The following LRRC4C variants were observed in gnomAD, a reference collection of about 807,000 sequenced individuals.
LRRC4C encodes leucine-rich repeat-containing protein 4C.
Under a neutral mutation model 33.6 loss-of-function variants are expected in LRRC4C, and 5 were observed. That is an observed-to-expected ratio of 0.15 (90% CI 0.08 to 0.31). The LOEUF (loss-of-function observed/expected upper bound fraction) is 0.31. LRRC4C is among the 10% of genes least tolerant of loss of function. The probability of loss-of-function intolerance (pLI) is 1.00; values close to 1 mark genes in which losing one functional copy is unlikely to be tolerated. For synonymous variants in LRRC4C, 329 were observed against 302.0 expected (o/e 1.09, Z -0.93); for missense variants, 560 against 796.7 (o/e 0.70, Z 3.58).
chr11:41,127,580 C>A (rs1289015006), intron 1 of LRRC4C, among the ~76,000 whole-genome samples: 1 of 151,852 alleles, frequency 6.6e-6, no homozygotes, highest in East Asian at 1.9e-4. Context: ...ATATATTTTT[C>A]TCTATCCCTA....
At chr11:40,955,297 CTGGGACAAAA>C (rs1331978672) in intron 1 of LRRC4C, among the ~76,000 whole-genome samples, 1 of 151,684 alleles carries the variant, frequency 6.6e-6, no homozygotes, top group Non-Finnish European at 1.5e-5. Context: ...TAAGGACAGA[CTGGGACAAAA>C]TGCCTTAAAC....
At chr11:41,119,493 A>G (rs1452036414) in intron 1 of LRRC4C, among the ~76,000 whole-genome samples, 1 of 152,304 alleles carries the variant, frequency 6.6e-6, no homozygotes, top group East Asian at 1.9e-4. Flanking sequence ...TGCCTAAACC[A>G]CTTAGGTGGC....
In LRRC4C at chr11:41,041,938, C is replaced by T. The variant is rs938909159; in HGVS notation, c.-495-108215G>A. 3.9e-5 allele frequency among the ~76,000 whole-genome samples: 6 copies of T among 152,132 alleles called. No individual in the cohort carries two copies. In the East Asian group the frequency reaches 1.2e-3, roughly 29 times the overall value. ...TTTGTGGATCTGATTTGTTGGCCTT[C>T]TGCAGCTGTACTATGTTAAAAGATA... On this transcript the variant is annotated intron_variant, in intron 1 of 6. Transcript: ENST00000528697.
chr11:40,993,374 A>G (rs1166304336), intron 1 of LRRC4C, among the ~76,000 whole-genome samples: 24 of 152,204 alleles, frequency 1.6e-4, no homozygotes, highest in Non-Finnish European at 4.4e-5. Flanking sequence ...TGGCCCACAC[A>G]TAATATAGAA....
At chr11:41,422,839 C>A (rs191437889) in intron 1 of LRRC4C, among the ~76,000 whole-genome samples, 17 of 152,066 alleles carry the variant, frequency 1.1e-4, no homozygotes, top group African/African-American at 3.9e-4. Context: ...AAAGCAGAAA[C>A]TCAAATAAAT....
At chr11:40,799,521 G>C (rs1341378541) in intron 2 of LRRC4C, among the ~76,000 whole-genome samples, 2 of 152,144 alleles carry the variant, frequency 1.3e-5, no homozygotes, top group Non-Finnish European at 2.9e-5. Flanking sequence ...TTGAGTCAGA[G>C]TCTCACTCTG....
intron 5 of LRRC4C, among the ~76,000 whole-genome samples, chr11:40,216,716 G>A (rs1219014152): frequency 6.6e-6 from 1 of 152,104 alleles, no homozygotes; most frequent in African/African-American, 2.4e-5. Context: ...GAAACAAAAA[G>A]CAAAAGTGAA....
chr11:40,662,882 C>T lies in LRRC4C; in HGVS notation c.-406-14604G>A, dbSNP rs377523602. Among the ~76,000 whole-genome samples, 60 of 152,288 alleles carry T rather than the reference C, an allele frequency of 3.9e-4. 1 individual carries two copies. The Middle Eastern group carries it at 0.01, about 26-fold the overall frequency. On this transcript the variant is annotated intron_variant, in intron 2 of 6. Coordinates refer to ENST00000528697, the MANE Select transcript of LRRC4C (RefSeq NM_001258419.2). ...ATAAAGCACTTTATAAAGTAGCTATCACAGGATATGCACTCTATAAATATT... is the reference window on the plus strand; with the variant it reads ...ATAAAGCACTTTATAAAGTAGCTATTACAGGATATGCACTCTATAAATATT...
At chr11:40,285,025 T>C (rs923867390) in intron 4 of LRRC4C, among the ~76,000 whole-genome samples, 1 of 152,172 alleles carries the variant, frequency 6.6e-6, no homozygotes, top group Non-Finnish European at 1.5e-5. Flanking sequence ...CAAGAGGCAC[T>C]ACTGTAATTT....
intron 1 of LRRC4C, among the ~76,000 whole-genome samples, chr11:41,325,566 GT>G (rs71466927): frequency 0.013 from 1,411 of 106,474 alleles, 15 homozygotes; most frequent in South Asian, 0.039. Context: ...TGTCCTTATA[GT>G]TTTTTTTTTT....
intron 1 of LRRC4C, among the ~76,000 whole-genome samples, chr11:41,231,244 C>T (rs1296590713): frequency 1.3e-5 from 2 of 152,070 alleles, no homozygotes; most frequent in Non-Finnish European, 2.9e-5. Context: ...CACCATTTGA[C>T]CCAGCCATCC....
intron 1 of LRRC4C, among the ~76,000 whole-genome samples, chr11:40,946,734 A>G (rs753846121): frequency 3.3e-5 from 5 of 152,170 alleles, no homozygotes; most frequent in Non-Finnish European, 7.3e-5. Flanking sequence ...CAAAGAAATT[A>G]TGGACTTACA....
chr11:40,429,214 C>A (rs1950822323), intron 3 of LRRC4C, among the ~76,000 whole-genome samples: 1 of 152,188 alleles, frequency 6.6e-6, no homozygotes, highest in Non-Finnish European at 1.5e-5. Context: ...GCTGGGATTA[C>A]AGGCATCTGC....
intron 1 of LRRC4C, among the ~76,000 whole-genome samples, chr11:40,937,410 C>A (rs1957951439): frequency 6.6e-6 from 1 of 152,060 alleles, no homozygotes; most frequent in East Asian, 1.9e-4. Flanking sequence ...CAAACCTCAG[C>A]ATCACAAAAG....
At chr11:40,671,982 C>T (rs2136278796) in intron 2 of LRRC4C, among the ~76,000 whole-genome samples, 1 of 152,250 alleles carries the variant, frequency 6.6e-6, no homozygotes, top group Non-Finnish European at 1.5e-5. Context: ...TTTCTTGTCT[C>T]AGTGACTATG....
At chr11:41,451,812 G>T (rs752678848) in intron 1 of LRRC4C, among the ~76,000 whole-genome samples, 4 of 152,096 alleles carry the variant, frequency 2.6e-5, no homozygotes, top group Non-Finnish European at 5.9e-5. Context: ...AGGTACCTTG[G>T]TAGAGAAAAT....
At chr11:40,735,653 T>C (rs962828638) in intron 2 of LRRC4C, among the ~76,000 whole-genome samples, 3 of 132,242 alleles carry the variant, frequency 2.3e-5, no homozygotes, top group African/African-American at 8.4e-5. Flanking sequence ...GCATTATTTA[T>C]AGTCCTTTGG....
chr11:40,632,882 C>T (rs1963587081), intron 3 of LRRC4C, among the ~76,000 whole-genome samples: 1 of 152,122 alleles, frequency 6.6e-6, no homozygotes, highest in Non-Finnish European at 1.5e-5. Flanking sequence ...AATAAACAAG[C>T]TCATCAAAGG....
At chr11:41,194,640 CAGCCCACA>C (rs1441797931) in intron 1 of LRRC4C, among the ~76,000 whole-genome samples, 1 of 152,078 alleles carries the variant, frequency 6.6e-6, no homozygotes, top group Non-Finnish European at 1.5e-5. Flanking sequence ...CCCAGGCCAA[CAGCCCACA>C]AGGAACAAAA....
Sources: gnomAD v4.1 joint callset for allele counts (sites outside exome capture counted in the v4.1 genomes callset) on GRCh38, gnomAD v4.1.1 for gene constraint, MANE v1.5 for transcripts, NCBI Gene and HGNC (gene_info 2026-07-23, HGNC 2026-07-21) for gene names.